The following MCPH1 variants were observed in gnomAD, a reference collection of about 807,000 sequenced individuals.
MCPH1 encodes the protein microcephalin.
In MCPH1, 104 loss-of-function variants were observed where a neutral mutation model predicts 84.5. The ratio of observed to expected loss-of-function variants is 1.23; its 90% CI spans 1.05 to 1.45. The LOEUF (loss-of-function observed/expected upper bound fraction) is 1.45. Among genes scored for constraint, MCPH1 ranks in the 40% most tolerant of loss-of-function variants. The pLI, the probability that MCPH1 is intolerant of heterozygous loss-of-function variation, is 0.00. For missense variants in MCPH1, 1,498 were observed against 1,005.7 expected (o/e 1.49, Z -6.62); for synonymous variants, 514 against 366.8 (o/e 1.40, Z -4.58).
intron 11 of MCPH1, among the ~76,000 whole-genome samples, chr8:6,481,453 T>C (rs1279993945): frequency 1.3e-5 from 2 of 152,382 alleles, no homozygotes; most frequent in East Asian, 3.9e-4. Context: ...TTATTGGTTC[T>C]ATTATTACTT....
At chr8:6,457,796 A>G (rs576204311) in intron 9 of MCPH1, among the ~76,000 whole-genome samples, 42 of 152,246 alleles carry the variant, frequency 2.8e-4, no homozygotes, top group African/African-American at 9.9e-4. Flanking sequence ...CCTCTTTCGC[A>G]GGATTTTCTT....
At chr8:6,573,249 A>T (rs2442553) in intron 12 of MCPH1, among the ~76,000 whole-genome samples, 108,910 of 151,876 alleles carry the variant, frequency 0.72, 42,173 homozygotes, top group Non-Finnish European at 0.86. Context: ...CTGTGTGCAG[A>T]AGGGCTTAGA....
At chr8:6,603,197 C>A (rs535196594) in intron 12 of MCPH1, among the ~76,000 whole-genome samples, 2 of 152,192 alleles carry the variant, frequency 1.3e-5, no homozygotes, top group South Asian at 4.2e-4. Flanking sequence ...TCTCTGAGGT[C>A]TTGGGGCTCA....
intron 12 of MCPH1, among the ~76,000 whole-genome samples, chr8:6,599,458 G>C (rs1193697128): frequency 6.6e-6 from 1 of 152,188 alleles, no homozygotes; most frequent in African/African-American, 2.4e-5. Flanking sequence ...AATGATGCTT[G>C]TTTTCCTCTC....
chr8:6,584,374 G>A (rs1042768627), intron 12 of MCPH1, among the ~76,000 whole-genome samples: 13 of 152,080 alleles, frequency 8.5e-5, no homozygotes, highest in Non-Finnish European at 1.3e-4. Flanking sequence ...AACAGTAGTC[G>A]CCCCCAAAAC....
At chr8:6,617,000 A>T (rs977699444) in intron 12 of MCPH1, 1 of 152,126 alleles carries the variant, frequency 6.6e-6, no homozygotes, top group South Asian at 2.1e-4. Context: ...TTACAGCTTC[A>T]TAAGTTGTAA....
chr8:6,561,412 C>G (rs1825521656), intron 12 of MCPH1, among the ~76,000 whole-genome samples: 1 of 152,192 alleles, frequency 6.6e-6, no homozygotes, highest in African/African-American at 2.4e-5. Flanking sequence ...CAAATAATAA[C>G]TTAGTCGTTT....
intron 4 of MCPH1, among the ~76,000 whole-genome samples, chr8:6,434,515 C>G (rs571501545): frequency 6.6e-6 from 1 of 152,314 alleles, no homozygotes; most frequent in African/African-American, 2.4e-5. Flanking sequence ...ATGAACCTCC[C>G]AAGACACATA....
At chr8:6,533,309 A>G (rs549703353) in intron 12 of MCPH1, among the ~76,000 whole-genome samples, 7 of 152,366 alleles carry the variant, frequency 4.6e-5, no homozygotes, top group Admixed American at 2.0e-4. Context: ...ATCCCTGTCT[A>G]TGGCAGTAAA....
Position 6,648,089 on chromosome 8 carries a change from C to G in MCPH1, c.*5040C>G, listed in dbSNP as rs1798300779. ...TTCATTTAAGGTCGGCCTTGGCTTT[C>G]AAGTTAAGGCCATGGTCTTTCTCTG... On this transcript the variant is annotated 3_prime_UTR_variant, in exon 14 of 14. Transcript: ENST00000344683. 6.6e-6 allele frequency: 1 copy of G among 152,144 alleles called. No homozygotes were observed. The highest frequency in any genetic ancestry group is 6.5e-5 in the Admixed American group (1 of 15,278). The allele number at this position is 152,144 out of a possible 1,614,324, so 9.4% of individuals were successfully genotyped here. A position where few individuals can be genotyped will look rare whatever the true frequency, so the allele number is the denominator to read the frequency against.
chr8:6,506,582 G>A (rs755503955), intron 12 of MCPH1, among the ~76,000 whole-genome samples: 1 of 152,128 alleles, frequency 6.6e-6, no homozygotes, highest in Non-Finnish European at 1.5e-5. Flanking sequence ...CAAAGTCCTA[G>A]GTGTCTGTGG....
chr8:6,423,877 A>G (rs1282465131), intron 3 of MCPH1, among the ~76,000 whole-genome samples: 1 of 152,110 alleles, frequency 6.6e-6, no homozygotes, highest in African/African-American at 2.4e-5. Flanking sequence ...CTTCTTTCTA[A>G]TTTGTAGAAG....
At chr8:6,468,834 C>T (rs78675721) in intron 9 of MCPH1, among the ~76,000 whole-genome samples, 2 of 152,006 alleles carry the variant, frequency 1.3e-5, no homozygotes, top group Non-Finnish European at 2.9e-5. Flanking sequence ...GAGTAAAAAA[C>T]AGTCCACATA....
At chr8:6,483,456 G>A (rs1809475717) in intron 11 of MCPH1, among the ~76,000 whole-genome samples, 3 of 152,198 alleles carry the variant, frequency 2.0e-5, no homozygotes, top group South Asian at 4.1e-4. Flanking sequence ...AGGCAGTGTG[G>A]TATTGGTGGA....
chr8:6,480,084 C>G (rs1056101226), intron 10 of MCPH1, among the ~76,000 whole-genome samples: 3 of 151,530 alleles, frequency 2.0e-5, no homozygotes, highest in Non-Finnish European at 2.9e-5. Flanking sequence ...GAGTGTTGGT[C>G]TGATGTCAGG....
intron 8 of MCPH1, among the ~76,000 whole-genome samples, chr8:6,452,692 G>C (rs2129556567): frequency 6.6e-6 from 1 of 152,350 alleles, no homozygotes; most frequent in East Asian, 1.9e-4. Flanking sequence ...CAGAGAACTG[G>C]CTTCCTCTCT....
chr8:6,640,087 TGTGTGTGTGTGCGCGC>T (rs1466807780), intron 13 of MCPH1, among the ~76,000 whole-genome samples: 1 of 145,176 alleles, frequency 6.9e-6, no homozygotes, highest in Non-Finnish European at 1.5e-5. Context: ...TGTGTGTGTG[TGTGTGTGTGTGCGCGC>T]GCGTGTGTGT....
intron 12 of MCPH1, among the ~76,000 whole-genome samples, chr8:6,506,565 C>G (rs900008877): frequency 6.6e-6 from 1 of 152,190 alleles, no homozygotes; most frequent in African/African-American, 2.4e-5. Flanking sequence ...AAATGGTAGA[C>G]AGGAAACAAA....
At chr8:6,503,224 G>A (rs959512149) in intron 12 of MCPH1, 28 of 1,613,986 alleles carry the variant, frequency 1.7e-5, no homozygotes, top group Non-Finnish European at 2.3e-5. Flanking sequence ...AGTACATTCC[G>A]TTCAAGTTGG....
Sources: gnomAD v4.1 joint callset for allele counts (sites outside exome capture counted in the v4.1 genomes callset) on GRCh38, gnomAD v4.1.1 for gene constraint, MANE v1.5 for transcripts, NCBI Gene and HGNC (gene_info 2026-07-23, HGNC 2026-07-21) for gene names.